Variants in MRPS30 observed in about 807,000 individuals in gnomAD.
MRPS30 encodes mitochondrial ribosomal protein S30.
In MRPS30, 42 loss-of-function variants were observed where a neutral mutation model predicts 43.8. The ratio of observed to expected loss-of-function variants is 0.96; its 90% CI spans 0.75 to 1.24. MRPS30 has a LOEUF of 1.24. Among genes scored for constraint, MRPS30 ranks in the 50% most tolerant of loss-of-function variants. MRPS30 has a pLI of 0.00. For synonymous variants in MRPS30, 273 were observed against 228.2 expected, an observed-to-expected ratio of 1.20 and a Z score of -1.77; for missense variants, 638 against 570.0, an observed-to-expected ratio of 1.12 and a Z score of -1.22.
chr5:44,811,223 ATAGTCT>A (rs1742835616), intron 2 of MRPS30, 69 bp downstream of exon 2: 3 of 1,537,956 alleles, frequency 2.0e-6, no homozygotes, highest in East Asian at 2.3e-5. Context: ...AGGTTGAGTA[ATAGTCT>A]TAGTAGAATA....
At chr5:44,812,386 A>G (rs1742858296) in intron 3 of MRPS30, among the ~76,000 whole-genome samples, 1 of 152,156 alleles carries the variant, frequency 6.6e-6, no homozygotes, top group Non-Finnish European at 1.5e-5. Context: ...CATGGTGGTA[A>G]GATAAGGAAT....
In MRPS30 at chr5:44,809,019, C is replaced by T; in HGVS notation, c.57C>T (p.His19=). 6.2e-7 allele frequency: 1 copy of T among 1,609,812 alleles called. No individual in the cohort carries two copies. Among genetic ancestry groups the T allele is most frequent in the Non-Finnish European group, 8.5e-7 (1 of 1,178,712 alleles). Residue 19 remains histidine, a synonymous_variant, in exon 1 of 5, where the codon CAC becomes CAT. Coordinates refer to ENST00000507110, the MANE Select transcript of MRPS30 (RefSeq NM_016640.4). ...TACGCGGTCCGAGGCTTTCATTGCA[C>T]ACCGCGGCTAATGCCGCCGCCACGG... The part of the protein sequence containing the change: ...PLLRGPRLSL[H]TAANAAATAT...
chr5:44,809,169 G>A lies in MRPS30; in HGVS notation c.207G>A (p.Thr69=), dbSNP rs776039954. The A allele has an allele frequency of 6.2e-7, 1 of 1,612,066 alleles. No homozygotes were observed. The highest frequency in any genetic ancestry group is 8.5e-7 in the Non-Finnish European group (1 of 1,179,544). ...GGCGGATCGAGCGCTGGCAGGCGAC[G>A]GTGCACGCTGCGGAGTCGGTAGACG... The part of the protein sequence containing the change: ...RLRRIERWQA[T]VHAAESVDEK... The change falls in exon 1 of 5, where the codon ACG becomes ACA. Residue 69 remains threonine (T), a synonymous_variant. Transcript: ENST00000507110.
rs557034806 is a variant in MRPS30 at position 44,814,915 on chromosome 5, T to G, written c.1033T>G (p.Phe345Val). 3 of 1,603,904 alleles carry G rather than the reference T, an allele frequency of 1.9e-6. No homozygotes were observed. In the East Asian group the frequency reaches 6.7e-5, roughly 36 times the overall value. Residue 345 changes from phenylalanine to valine, a missense_variant and splice_region_variant, in exon 5 of 5, where the codon TTC becomes GTC. Phe to Val is a conservative substitution (Grantham distance 50). Coordinates refer to ENST00000507110, the MANE Select transcript of MRPS30 (RefSeq NM_016640.4). ...WTGAQAMYQG[F>V]WSEADVTRPF... ...TTCAGCATAACTTTCTTCTACAGGATTCTGGAGTGAAGCAGATGTTACTCG... is the reference window on the plus strand; with the variant it reads ...TTCAGCATAACTTTCTTCTACAGGAGTCTGGAGTGAAGCAGATGTTACTCG...
At position 44,809,057 on chromosome 5, in the gene MRPS30, C is replaced by T. The variant is rs535831124; in HGVS notation, c.95C>T (p.Thr32Ile). 24 of 1,610,786 alleles carry T rather than the reference C, an allele frequency of 1.5e-5. No individual in the cohort carries two copies. The African/African-American group carries it at 2.5e-4, about 17-fold the overall frequency. ...GCCGCCGCCACGGCTACAGAAACGA[C>T]CTGCCAAGACGTCGCGGCGACCCCC... ...ANAAATATET[T>I]CQDVAATPVA... is the part of the protein sequence containing the mutation. Residue 32 changes from threonine (T) to isoleucine (I), a missense_variant, in exon 1 of 5, where the codon ACC becomes ATC. Thr to Ile is a moderately conservative substitution (Grantham distance 89). Transcript: ENST00000507110.
At chr5:44,814,161 A>G (rs941189059) in intron 4 of MRPS30, among the ~76,000 whole-genome samples, 22 of 152,326 alleles carry the variant, frequency 1.4e-4, no homozygotes, top group Admixed American at 1.2e-3. Context: ...GCCAGAGGCT[A>G]TATCTTCCAG....
In MRPS30 at chr5:44,811,052, A is replaced by G. The variant is rs1467863229; in HGVS notation, c.645A>G (p.Glu215=). 4.3e-6 allele frequency: 7 copies of G among 1,614,064 alleles called. No homozygotes were observed. The highest frequency in any genetic ancestry group is 5.1e-6 in the Non-Finnish European group (6 of 1,179,962). ...PVHFYWVRGE[E]IIPRGHRRGR... ...ATTTTTACTGGGTGCGTGGTGAAGA[A>G]ATTATTCCTCGTGGTCATCGAAGAG... is the stretch of plus-strand genomic sequence containing the variant. Residue 215 remains glutamate, a synonymous_variant, in exon 2 of 5, where the codon GAA becomes GAG. Coordinates refer to ENST00000507110, the MANE Select transcript of MRPS30 (RefSeq NM_016640.4).
chr5:44,811,794 A>G, intron 2 of MRPS30, 121 bp from the exon 3 acceptor site: 1 of 618,504 alleles, frequency 1.6e-6, no homozygotes, highest in Non-Finnish European at 2.7e-6. Flanking sequence ...TCATTCGATG[A>G]TAGTATTATC....
chr5:44,809,323 C>T lies in MRPS30; in HGVS notation c.361C>T (p.Pro121Ser), dbSNP rs1324714886. ...CGTGTTCCTGTCGGGTCTGCCGCCG[C>T]CCCCAGCGGAGCCCGAGCCCGAGCC... is the stretch of plus-strand genomic sequence containing the variant. ...KTVFLSGLPPPPAEPEPEPEP... is the reference protein window; with the variant it reads ...KTVFLSGLPPSPAEPEPEPEP... The change falls in exon 1 of 5, where the codon CCC becomes TCC. Residue 121 changes from proline to serine, a missense_variant. Coordinates refer to ENST00000507110, the MANE Select transcript of MRPS30 (RefSeq NM_016640.4). 1.2e-6 allele frequency: 2 copies of T among 1,611,606 alleles called. No individual in the cohort carries two copies. Among genetic ancestry groups the T allele is most frequent in the South Asian group, 1.1e-5 (1 of 90,890 alleles).
chr5:44,811,254 G>A lies in MRPS30; in HGVS notation c.747+100G>A, dbSNP rs186591719. 192 of 1,348,070 alleles carry A rather than the reference G, an allele frequency of 1.4e-4. 1 individual carries two copies. In the African/African-American group the frequency reaches 2.6e-3, roughly 18 times the overall value. The allele number at this position is 1,348,070 out of a possible 1,614,324, so 83.5% of individuals were successfully genotyped here. ...TTAGTAGAATAAAATGTTTCAGGTG[G>A]ATCTCTTGCCTTTCAAGTTTCCTTT... On this transcript the variant is annotated intron_variant, in intron 2 of 4. Transcript: ENST00000507110.
rs1399441531 is a variant in MRPS30, at chr5:44,809,363, A to AACCTGC, written c.402_407dup (p.Pro135_Ala136dup). 1.2e-6 allele frequency: 2 copies of AACCTGC among 1,608,604 alleles called. No individual in the cohort carries two copies. Among genetic ancestry groups the AACCTGC allele is most frequent in the Admixed American group, 3.4e-5 (2 of 59,256 alleles). ...GAGCCCGAGCCCGAACCCGAACCTGAACCTGCGCTGGACCTCGCGGCGCTG... is the reference window on the plus strand; with the variant it reads ...GAGCCCGAGCCCGAACCCGAACCTGAACCTGCACCTGCGCTGGACCTCGCGGCGCTG... On this transcript the variant is annotated inframe_insertion, in exon 1 of 5. Coordinates refer to ENST00000507110, the MANE Select transcript of MRPS30 (RefSeq NM_016640.4).
In MRPS30 at chr5:44,809,388, G is replaced by A; in HGVS notation, c.426G>A (p.Leu142=). The change falls in exon 1 of 5, where the codon CTG becomes CTA. Residue 142 remains leucine, a synonymous_variant. Coordinates refer to ENST00000507110, the MANE Select transcript of MRPS30 (RefSeq NM_016640.4). ...AACCTGCGCTGGACCTCGCGGCGCT[G>A]CGTGCGGTCGCCTGCGACTGCCTGC... ...EPEPALDLAA[L]RAVACDCLLQ... 6.2e-7 allele frequency: 1 copy of A among 1,609,664 alleles called. No individual in the cohort carries two copies.
At position 44,809,018 on chromosome 5, in the gene MRPS30, A is replaced by G. The variant is rs764017230; in HGVS notation, c.56A>G (p.His19Arg). 1 of 1,609,924 alleles carries G rather than the reference A, an allele frequency of 6.2e-7. No individual in the cohort carries two copies. The highest frequency in any genetic ancestry group is 8.5e-7 in the Non-Finnish European group (1 of 1,178,772). ...CTACGCGGTCCGAGGCTTTCATTGC[A>G]CACCGCGGCTAATGCCGCCGCCACG... The part of the protein sequence containing the change: ...PLLRGPRLSL[H>R]TAANAAATAT... The change falls in exon 1 of 5, where the codon CAC becomes CGC. Residue 19 changes from histidine to arginine, a missense_variant. Physicochemically the swap from His to Arg is conservative, Grantham distance 29. Transcript: ENST00000507110.
Position 44,809,613 on chromosome 5 carries a change from C to A in MRPS30, c.601+50C>A, listed in dbSNP as rs940912495. On this transcript the variant is annotated intron_variant, in intron 1 of 4. Coordinates refer to ENST00000507110, the MANE Select transcript of MRPS30 (RefSeq NM_016640.4). ...GCGGAAGGGAGAGATGGGGATTGTACTGGGTTACTCTGCCGCAGATTTACC... is the reference window on the plus strand; with the variant it reads ...GCGGAAGGGAGAGATGGGGATTGTAATGGGTTACTCTGCCGCAGATTTACC... 4.1e-6 allele frequency: 6 copies of A among 1,476,560 alleles called. No homozygotes were observed. The African/African-American group carries it at 8.5e-5, about 21-fold the overall frequency. The allele number at this position is 1,476,560 out of a possible 1,614,324, so 91.5% of individuals were successfully genotyped here.
At chr5:44,810,420 C>T (rs927486915) in intron 1 of MRPS30, among the ~76,000 whole-genome samples, 2 of 152,090 alleles carry the variant, frequency 1.3e-5, no homozygotes, top group African/African-American at 4.8e-5. Context: ...TTGTTTTTGA[C>T]GCATTCATTA....
At chr5:44,813,007 A>T (rs1268750434) in intron 3 of MRPS30, 99 bp from the exon 4 acceptor site, 2 of 1,018,982 alleles carry the variant, frequency 2.0e-6, no homozygotes, top group Non-Finnish European at 2.9e-6. Flanking sequence ...TGAGAATATG[A>T]TGTATAAAGA....
Position 44,811,053 on chromosome 5 carries a change from A to G in MRPS30, c.646A>G (p.Ile216Val), listed in dbSNP as rs1306527448. 1.2e-6 allele frequency: 2 copies of G among 1,614,082 alleles called. No individual in the cohort carries two copies. The highest frequency in any genetic ancestry group is 1.7e-5 in the Admixed American group (1 of 60,026). ...TTTTTACTGGGTGCGTGGTGAAGAA[A>G]TTATTCCTCGTGGTCATCGAAGAGG... ...VHFYWVRGEE[I>V]IPRGHRRGRI... Residue 216 changes from isoleucine (I) to valine (V), a missense_variant, in exon 2 of 5, where the codon ATT becomes GTT. By Grantham distance (29) the Ile-to-Val change is conservative. Transcript: ENST00000507110.
chr5:44,809,353 C>T lies in MRPS30; in HGVS notation c.391C>T (p.Pro131Ser). The stretch of plus-strand genomic sequence containing the variant: ...AGCGGAGCCCGAGCCCGAGCCCGAA[C>T]CCGAACCTGAACCTGCGCTGGACCT... ...PPAEPEPEPE[P>S]EPEPALDLAA... Residue 131 changes from proline (P) to serine (S), a missense_variant, in exon 1 of 5, where the codon CCC becomes TCC. Pro to Ser is a moderately conservative substitution (Grantham distance 74, BLOSUM62 -1). Coordinates refer to ENST00000507110, the MANE Select transcript of MRPS30 (RefSeq NM_016640.4). 1.2e-6 allele frequency: 2 copies of T among 1,608,582 alleles called. No individual in the cohort carries two copies. The highest frequency in any genetic ancestry group is 1.1e-5 in the South Asian group (1 of 90,586).
rs370008689 is a variant in MRPS30 at position 44,814,896 on chromosome 5, A to C, written c.1031-17A>C. The C allele has an allele frequency of 1.9e-5, 30 of 1,581,880 alleles. No homozygotes were observed. Among genetic ancestry groups the C allele is most frequent in the Non-Finnish European group, 2.3e-5 (27 of 1,164,962 alleles). On this transcript the variant is annotated splice_polypyrimidine_tract_variant and intron_variant, in intron 4 of 4. Transcript: ENST00000507110. ...ATATATTCTATGTGTAAATTTCAGCATAACTTTCTTCTACAGGATTCTGGA... is the reference window on the plus strand; with the variant it reads ...ATATATTCTATGTGTAAATTTCAGCCTAACTTTCTTCTACAGGATTCTGGA...
Sources: gnomAD v4.1 joint callset for allele counts (sites outside exome capture counted in the v4.1 genomes callset) on GRCh38, gnomAD v4.1.1 for gene constraint, MANE v1.5 for transcripts, NCBI Gene and HGNC (gene_info 2026-07-23, HGNC 2026-07-21) for gene names.